Variants in PARD3B observed in about 807,000 individuals in gnomAD.
The protein encoded by PARD3B is partitioning defective 3 homolog B.
In PARD3B, 103 loss-of-function variants were observed where a neutral mutation model predicts 130.2. That is an observed-to-expected ratio of 0.79 (90% CI 0.67 to 0.93). The LOEUF is 0.93. PARD3B is among the 40% of genes least tolerant of loss of function. The pLI is 0.00. For synonymous variants in PARD3B, 583 were observed against 553.2 expected, an observed-to-expected ratio of 1.05 and a Z score of -0.76; for missense variants, 1,609 against 1,499.2, an observed-to-expected ratio of 1.07 and a Z score of -1.21.
chr2:205,493,720 G>T (rs10932113), intron 20 of PARD3B, among the ~76,000 whole-genome samples: 186 of 5,050 alleles, frequency 0.037, 29 homozygotes, highest in Middle Eastern at 0.25. Flanking sequence ...TTTCATTTAT[G>T]TATGTATTTA....
At chr2:204,558,184 T>C (rs1362204753) in intron 1 of PARD3B, 1 of 152,174 alleles carries the variant, frequency 6.6e-6, no homozygotes, top group East Asian at 1.9e-4. Context: ...GTGCCAAGTA[T>C]CTTCCAGATA....
chr2:204,985,731 G>C (rs1416773464), intron 3 of PARD3B, among the ~76,000 whole-genome samples: 1 of 152,132 alleles, frequency 6.6e-6, no homozygotes, highest in Non-Finnish European at 1.5e-5. Context: ...TTTCATATGG[G>C]GGGAAGATCT....
intron 18 of PARD3B, among the ~76,000 whole-genome samples, chr2:205,337,663 T>G (rs898972195): frequency 1.3e-5 from 2 of 152,204 alleles, no homozygotes; most frequent in African/African-American, 4.8e-5. Flanking sequence ...AAATAGAGTG[T>G]GCCCTACTGT....
Position 204,811,548 on chromosome 2 carries a change from T to G in PARD3B, c.222+125266T>G, listed in dbSNP as rs182216253. Among the ~76,000 whole-genome samples, 60 of 152,256 alleles carry G rather than the reference T, an allele frequency of 3.9e-4. 1 individual carries two copies. In the East Asian group the frequency reaches 9.5e-3, roughly 24 times the overall value. ...GGAATTTGATGCTGGGTGAGATGGA[T>G]TCTTAGCAGCTTTCTAGGTTCCTGA... is the stretch of plus-strand genomic sequence containing the variant. On this transcript the variant is annotated intron_variant, in intron 2 of 22. Transcript: ENST00000406610.
chr2:204,942,667 A>G (rs1032578213), intron 2 of PARD3B, among the ~76,000 whole-genome samples: 1 of 152,174 alleles, frequency 6.6e-6, no homozygotes. Flanking sequence ...TTTGGTCACC[A>G]GTGAACTGAT....
chr2:204,802,678 C>G (rs1187679478), intron 2 of PARD3B, among the ~76,000 whole-genome samples: 1 of 152,142 alleles, frequency 6.6e-6, no homozygotes, highest in Non-Finnish European at 1.5e-5. Flanking sequence ...AGGATGAGTT[C>G]ATGTCCTTTG....
At position 205,407,665 on chromosome 2, in the gene PARD3B, A is replaced by T. The variant is rs1231540468; in HGVS notation, c.2741+6542A>T. On this transcript the variant is annotated intron_variant, in intron 19 of 22. Transcript: ENST00000406610. This position sits in a 1 kb window ranked among gnomAD's most constrained non-coding sequence, Gnocchi z 4.1. ...TCCAGTGGAGATTGGTTAAAAGAAA[A>T]ATATGTCCCCCTCCTCATCATTAAT... 2.0e-5 allele frequency among the ~76,000 whole-genome samples: 3 copies of T among 152,286 alleles called. No homozygotes were observed. Among genetic ancestry groups the T allele is most frequent in the South Asian group, 4.1e-4 (2 of 4,826 alleles).
intron 15 of PARD3B, 58 bp downstream of exon 15, chr2:205,193,378 C>T: frequency 7.7e-7 from 1 of 1,292,212 alleles, no homozygotes; most frequent in Non-Finnish European, 1.1e-6. Context: ...CATTTATCTT[C>T]CCAAATGTCC....
chr2:205,059,845 C>A (rs1369026203), intron 4 of PARD3B, among the ~76,000 whole-genome samples: 1 of 152,046 alleles, frequency 6.6e-6, no homozygotes, highest in Non-Finnish European at 1.5e-5. Flanking sequence ...TACTACCCAG[C>A]ACACCTTGGA....
chr2:205,310,859 G>A (rs1232619710), intron 18 of PARD3B, among the ~76,000 whole-genome samples: 2 of 151,234 alleles, frequency 1.3e-5, no homozygotes, highest in African/African-American at 4.9e-5. Context: ...GAGTAGCTGG[G>A]GTTACAGGTG....
In PARD3B at chr2:205,122,234, T is replaced by A. The variant is rs887524117; in HGVS notation, c.1165+285T>A. ...CAACAGAGCAATATTGTATTACAAC[T>A]TAATACCAAATAGGCATGAAAATTC... On this transcript the variant is annotated intron_variant, in intron 8 of 22. Coordinates refer to ENST00000406610, the MANE Select transcript of PARD3B (RefSeq NM_001302769.2). The surrounding 1 kb of genome is among the most constrained non-coding windows in gnomAD (Gnocchi z 4.3). Among the ~76,000 whole-genome samples the A allele has an allele frequency of 1.3e-5, 2 of 152,180 alleles. No homozygotes were observed. The highest frequency in any genetic ancestry group is 2.9e-5 in the Non-Finnish European group (2 of 68,018).
rs1391899221 is a variant in PARD3B, at chr2:204,677,066, C to T, written c.121-9115C>T. 6.6e-6 allele frequency among the ~76,000 whole-genome samples: 1 copy of T among 152,150 alleles called. No individual in the cohort carries two copies. The highest frequency in any genetic ancestry group is 1.5e-5 in the Non-Finnish European group (1 of 68,028). Reference sequence around the variant, plus strand: ...ACAGCACAGAAAAAGCCAAATCTCTCTTTTATGTGGAAGGCTTTTAGTTGG... The same window carrying T: ...ACAGCACAGAAAAAGCCAAATCTCTTTTTTATGTGGAAGGCTTTTAGTTGG... On this transcript the variant is annotated intron_variant, in intron 1 of 22. Coordinates refer to ENST00000406610, the MANE Select transcript of PARD3B (RefSeq NM_001302769.2). The surrounding 1 kb of genome is among the most constrained non-coding windows in gnomAD (Gnocchi z 4.1).
At chr2:205,333,237 A>C (rs1473138480) in intron 18 of PARD3B, among the ~76,000 whole-genome samples, 1 of 152,186 alleles carries the variant, frequency 6.6e-6, no homozygotes, top group Non-Finnish European at 1.5e-5. Context: ...GCCACTAACC[A>C]CATGTGGCTT....
chr2:205,150,252 T>TGTGTGTGTGTGTGCGC (rs375301293), intron 10 of PARD3B, among the ~76,000 whole-genome samples: 21 of 145,886 alleles, frequency 1.4e-4, no homozygotes, highest in African/African-American at 3.6e-4. Flanking sequence ...TGTGTGTGTG[T>TGTGTGTGTGTGTGCGC]GCACACACGC....
intron 22 of PARD3B, among the ~76,000 whole-genome samples, chr2:205,607,722 C>T (rs1021472841): frequency 1.3e-5 from 2 of 152,078 alleles, no homozygotes; most frequent in African/African-American, 4.8e-5. Context: ...GCACTCTTCC[C>T]TGCACTTACA....
At chr2:204,609,819 T>C (rs1294720895) in intron 1 of PARD3B, among the ~76,000 whole-genome samples, 1 of 152,110 alleles carries the variant, frequency 6.6e-6, no homozygotes, top group Non-Finnish European at 1.5e-5. Context: ...GAAAGGGTCT[T>C]TCCTTTAAAT....
At chr2:204,745,981 T>C (rs1158541660) in intron 2 of PARD3B, among the ~76,000 whole-genome samples, 3 of 145,428 alleles carry the variant, frequency 2.1e-5, no homozygotes, top group African/African-American at 7.5e-5. Flanking sequence ...GGATTTTTTT[T>C]CTTTTTTTTT....
intron 1 of PARD3B, among the ~76,000 whole-genome samples, chr2:204,655,207 T>G (rs1280818948): frequency 6.6e-6 from 1 of 152,200 alleles, no homozygotes; most frequent in East Asian, 1.9e-4. Context: ...AGTATCTCTT[T>G]TTGGAAAACT....
chr2:205,566,133 G>A (rs2053324992), intron 22 of PARD3B, among the ~76,000 whole-genome samples: 1 of 152,192 alleles, frequency 6.6e-6, no homozygotes, highest in African/African-American at 2.4e-5. Flanking sequence ...AAGACTGTGG[G>A]AGTTGAGCAG....
Sources: gnomAD v4.1 joint callset for allele counts (sites outside exome capture counted in the v4.1 genomes callset) on GRCh38, gnomAD v4.1.1 for gene constraint, Gnocchi (gnomAD v3.1) non-coding constraint, MANE v1.5 for transcripts, NCBI Gene and HGNC (gene_info 2026-07-23, HGNC 2026-07-21) for gene names.